ITGAV: variants seen among roughly 807,000 people sequenced by gnomAD.
ITGAV encodes the protein integrin subunit alpha V, also known as integrin alpha-V.
A neutral mutation model predicts 143.8 loss-of-function variants in ITGAV; 76 were observed. That is an observed-to-expected ratio of 0.53 (90% CI 0.44 to 0.64). The LOEUF (loss-of-function observed/expected upper bound fraction) is 0.64, where lower values mean the gene tolerates loss of function less well. Ranked by LOEUF, ITGAV falls within the 30% of genes least tolerant of loss-of-function variation. ITGAV has a pLI of 0.00. For synonymous variants in ITGAV, 453 were observed against 446.7 expected (o/e 1.01, Z -0.18); for missense variants, 1,193 against 1,274.7 (o/e 0.94, Z 0.98).
intron 2 of ITGAV, among the ~76,000 whole-genome samples, chr2:186,612,792 A>G (rs1687250935): frequency 6.6e-6 from 1 of 152,158 alleles, no homozygotes; most frequent in Non-Finnish European, 1.5e-5. Flanking sequence ...GTGTCTAGGT[A>G]TCTCTACAGT....
At chr2:186,670,756 G>A (rs141461127) in intron 26 of ITGAV, among the ~76,000 whole-genome samples, 216 of 150,810 alleles carry the variant, frequency 1.4e-3, no homozygotes, top group Non-Finnish European at 2.3e-3. Flanking sequence ...TGGTGTAGAT[G>A]CTTTGATTTA....
chr2:186,657,852 C>T (rs555203525), intron 17 of ITGAV, among the ~76,000 whole-genome samples: 87 of 151,964 alleles, frequency 5.7e-4, no homozygotes, highest in Non-Finnish European at 3.4e-4. Flanking sequence ...ATAGAATTGG[C>T]CATTAATCTT....
chr2:186,663,558 CT>C (rs1363374099), intron 18 of ITGAV, among the ~76,000 whole-genome samples: 1 of 152,108 alleles, frequency 6.6e-6, no homozygotes, highest in Non-Finnish European at 1.5e-5. Flanking sequence ...TCTTTTTCTT[CT>C]TTCTCTTTCT....
Position 186,675,854 on chromosome 2 carries a change from C to A in ITGAV, c.2855C>A (p.Ser952Ter). The change falls in exon 28 of 30, where the codon TCG (serine) becomes TAG (stop). Residue 952 changes from serine (S) to a stop codon, truncating the protein, a stop_gained. Coordinates refer to ENST00000261023, the MANE Select transcript of ITGAV (RefSeq NM_002210.5). LOFTEE classifies it high-confidence loss of function. ...CAGAATCATTCCTATTCTCTGAAGT[C>A]GTCTGCTTCATTTAATGTCATAGAG... ...ENQNHSYSLK[S>*]SASFNVIEFP... 6.2e-7 allele frequency: 1 copy of A among 1,607,722 alleles called. No individual in the cohort carries two copies. The highest frequency in any genetic ancestry group is 8.5e-7 in the Non-Finnish European group (1 of 1,175,762).
chr2:186,624,102 A>G (rs1687608819), intron 3 of ITGAV, among the ~76,000 whole-genome samples: 1 of 152,110 alleles, frequency 6.6e-6, no homozygotes, highest in Admixed American at 6.6e-5. Context: ...CATCTCACAT[A>G]CTAAAGCCAG....
chr2:186,663,826 C>A lies in ITGAV; in HGVS notation c.1916C>A (p.Ser639Tyr), dbSNP rs774705904. ...DNVCKPKLEVSVDSDQKKIYI... is the reference protein window; with the variant it reads ...DNVCKPKLEVYVDSDQKKIYI... ...GTCTGTAAACCCAAGCTGGAAGTTT[C>A]TGTAGATAGGTAAGTTTTGCTTGAA... Residue 639 changes from serine (S) to tyrosine (Y), a missense_variant, in exon 19 of 30, where the codon TCT becomes TAT. Physicochemically the swap from Ser to Tyr is moderately radical, Grantham distance 144. Coordinates refer to ENST00000261023, the MANE Select transcript of ITGAV (RefSeq NM_002210.5). 6.2e-7 allele frequency: 1 copy of A among 1,608,486 alleles called. No homozygotes were observed. Among genetic ancestry groups the A allele is most frequent in the Admixed American group, 1.7e-5 (1 of 59,932 alleles).
chr2:186,617,686 G>A (rs1687403737), intron 2 of ITGAV, among the ~76,000 whole-genome samples: 1 of 152,088 alleles, frequency 6.6e-6, no homozygotes, highest in South Asian at 2.1e-4. Flanking sequence ...TAAAGATTAT[G>A]AAATAAAATA....
chr2:186,590,150 C>T lies in ITGAV; in HGVS notation c.-189C>T, dbSNP rs1320107708. 6.6e-6 allele frequency: 3 copies of T among 453,894 alleles called. No homozygotes were observed. The highest frequency in any genetic ancestry group is 7.4e-6 in the Non-Finnish European group (2 of 269,710). 28.1% of individuals were successfully genotyped at this position (453,894 alleles called of 1,614,324 possible). ...TCCCCGCCCCGCGCGCTCTGCGCCC[C>T]TCGTCCCTGGCGGTCGCTCCGAAGC... On this transcript the variant is annotated 5_prime_UTR_variant, in exon 1 of 30. Transcript: ENST00000261023.
rs145098167 is a variant in ITGAV at position 186,651,050 on chromosome 2, A to G, written c.1398-932A>G. On this transcript the variant is annotated intron_variant, in intron 14 of 29. Transcript: ENST00000261023. ...TAGAGCAATATGTATGAATTTATATATTTCTATTTCCCAATTTCTTATATA... is the reference window on the plus strand; with the variant it reads ...TAGAGCAATATGTATGAATTTATATGTTTCTATTTCCCAATTTCTTATATA... Among the ~76,000 whole-genome samples the G allele has an allele frequency of 1.4e-4, 21 of 152,280 alleles. No homozygotes were observed. In the East Asian group the frequency reaches 3.7e-3, roughly 27 times the overall value.
rs61764178 is a variant in ITGAV, at chr2:186,678,948, T to C, written c.*1656T>C. On this transcript the variant is annotated 3_prime_UTR_variant, in exon 30 of 30. Transcript: ENST00000261023. ...TATATTCGTAAAATAGGAGCACATT[T>C]AGTTGAGGTATACAAGGTAGGACTC... 3.1e-4 allele frequency: 111 copies of C among 354,600 alleles called. No individual in the cohort carries two copies. Among genetic ancestry groups the C allele is most frequent in the African/African-American group, 2.1e-3 (98 of 46,534 alleles). The allele number at this position is 354,600 out of a possible 1,614,324, so 22.0% of individuals were successfully genotyped here. A position where few individuals can be genotyped will look rare whatever the true frequency, so the allele number is the denominator to read the frequency against.
intron 14 of ITGAV, among the ~76,000 whole-genome samples, chr2:186,650,846 G>A (rs1272529655): frequency 6.6e-6 from 1 of 151,990 alleles, no homozygotes; most frequent in Non-Finnish European, 1.5e-5. Context: ...CACTATGCCC[G>A]CCCCTTCTTT....
At chr2:186,669,640 T>C in intron 25 of ITGAV, 61 bp from the exon 26 acceptor site, 13 of 1,131,330 alleles carry the variant, frequency 1.1e-5, no homozygotes, top group Non-Finnish European at 1.7e-5. Flanking sequence ...TATATCAAAA[T>C]GCTGATGTAA....
chr2:186,618,226 G>T (rs1687422285), intron 2 of ITGAV, among the ~76,000 whole-genome samples: 2 of 152,206 alleles, frequency 1.3e-5, no homozygotes, highest in Non-Finnish European at 2.9e-5. Context: ...ACTTCCTAAT[G>T]AGCAAACTTC....
intron 12 of ITGAV, among the ~76,000 whole-genome samples, chr2:186,644,328 GT>G (rs1688189667): frequency 6.6e-6 from 1 of 150,418 alleles, no homozygotes; most frequent in African/African-American, 2.4e-5. Flanking sequence ...GTTTTGTTTT[GT>G]TTTTTGTTTT....
chr2:186,666,932 A>G, intron 22 of ITGAV, 149 bp downstream of exon 22: 1 of 577,938 alleles, frequency 1.7e-6, no homozygotes, highest in Non-Finnish European at 2.9e-6. Flanking sequence ...CATTATAAGA[A>G]TAATTTTATT....
chr2:186,602,185 T>G lies in ITGAV; in HGVS notation c.316+34T>G, dbSNP rs759009541. ...TGATGCACAATTTTCTTTTCATTGA[T>G]TTCATTTGATTTTTTTTTTGCAATT... On this transcript the variant is annotated intron_variant, in intron 2 of 29. Coordinates refer to ENST00000261023, the MANE Select transcript of ITGAV (RefSeq NM_002210.5). 2.5e-6 allele frequency: 4 copies of G among 1,588,610 alleles called. No individual in the cohort carries two copies. In the Admixed American group the frequency reaches 7.0e-5, roughly 28 times the overall value.
In ITGAV at chr2:186,638,379, A is replaced by T. The variant is rs762215864; in HGVS notation, c.847-30A>T. 7 of 1,606,794 alleles carry T rather than the reference A, an allele frequency of 4.4e-6. No individual in the cohort carries two copies. The African/African-American group carries it at 5.4e-5, about 12-fold the overall frequency. On this transcript the variant is annotated intron_variant, in intron 9 of 29. Coordinates refer to ENST00000261023, the MANE Select transcript of ITGAV (RefSeq NM_002210.5). The stretch of plus-strand genomic sequence containing the variant: ...TCTAAGTTATCTTCTATTTTACCAG[A>T]TTTCACATACTTCTATTTTTCCTTC...
intron 2 of ITGAV, among the ~76,000 whole-genome samples, chr2:186,606,806 G>A (rs560075624): frequency 1.1e-3 from 173 of 152,106 alleles, no homozygotes; most frequent in African/African-American, 3.9e-3. Context: ...GTTGGGTTGT[G>A]GCACCGACCC....
intron 18 of ITGAV, among the ~76,000 whole-genome samples, chr2:186,662,335 T>A (rs1227732113): frequency 5.9e-5 from 9 of 152,220 alleles, no homozygotes; most frequent in Non-Finnish European, 8.8e-5. Context: ...TCTAGGTAAT[T>A]GAATTAATTC....
Sources: allele counts gnomAD v4.1 joint callset (sites outside exome capture counted in the v4.1 genomes callset), GRCh38; gene constraint gnomAD v4.1.1; transcripts MANE v1.5; gene names NCBI Gene and HGNC (gene_info 2026-07-23, HGNC 2026-07-21).